LAMTOR3: variants seen among roughly 807,000 people sequenced by gnomAD.
LAMTOR3 encodes ragulator complex protein LAMTOR3.
Under a neutral mutation model 20.3 loss-of-function variants are expected in LAMTOR3, and 14 were observed. That is an observed-to-expected ratio of 0.69 (90% CI 0.46 to 1.08). The LOEUF (loss-of-function observed/expected upper bound fraction) is 1.08, where lower values mean the gene tolerates loss of function less well. LAMTOR3 is among the 50% of genes least tolerant of loss of function. The pLI is 0.00. For missense variants in LAMTOR3, 125 were observed against 143.7 expected (o/e 0.87, Z 0.67); for synonymous variants, 40 against 49.4 (o/e 0.81, Z 0.80).
At chr4:99,889,305 T>G (rs1724982335) in intron 3 of LAMTOR3, among the ~76,000 whole-genome samples, 1 of 152,204 alleles carries the variant, frequency 6.6e-6, no homozygotes, top group Non-Finnish European at 1.5e-5. Flanking sequence ...GCCAATTATT[T>G]TGTGCAGTTA....
At chr4:99,888,280 G>C (rs563596053) in intron 3 of LAMTOR3, among the ~76,000 whole-genome samples, 1 of 152,314 alleles carries the variant, frequency 6.6e-6, no homozygotes, top group Non-Finnish European at 1.5e-5. Flanking sequence ...TACAAGGCAT[G>C]TAAAGTGTAG....
Position 99,881,694 on chromosome 4 carries a change from C to A in LAMTOR3, c.*300G>T. ...ATCAATGTACCAGTTTGATTCTGAT[C>A]CACTGAATAGAATCTCTCATCCATA... On this transcript the variant is annotated 3_prime_UTR_variant, in exon 7 of 7. Coordinates refer to ENST00000499666, the MANE Select transcript of LAMTOR3 (RefSeq NM_021970.4). 3.5e-6 allele frequency: 1 copy of A among 289,248 alleles called. No individual in the cohort carries two copies. The highest frequency in any genetic ancestry group is 6.4e-6 in the Non-Finnish European group (1 of 156,106). 17.9% of individuals were successfully genotyped at this position (289,248 alleles called of 1,614,324 possible).
intron 3 of LAMTOR3, among the ~76,000 whole-genome samples, chr4:99,890,736 A>C (rs1355477772): frequency 6.6e-6 from 1 of 152,192 alleles, no homozygotes; most frequent in Non-Finnish European, 1.5e-5. Flanking sequence ...TAAGCACAAC[A>C]ACCTGATATT....
intron 4 of LAMTOR3, among the ~76,000 whole-genome samples, chr4:99,885,975 T>C (rs1724918842): frequency 6.6e-6 from 1 of 152,202 alleles, no homozygotes; most frequent in South Asian, 2.1e-4. Context: ...TCAAGTACAT[T>C]TAACTGGTTA....
At chr4:99,893,268 C>A (rs1234179686) in intron 2 of LAMTOR3, among the ~76,000 whole-genome samples, 2 of 152,152 alleles carry the variant, frequency 1.3e-5, no homozygotes, top group Non-Finnish European at 2.9e-5. Context: ...TCCATCTCGG[C>A]CTCCCAAAGT....
chr4:99,893,751 C>G (rs1259204198), intron 2 of LAMTOR3, among the ~76,000 whole-genome samples: 3 of 152,130 alleles, frequency 2.0e-5, no homozygotes, highest in African/African-American at 7.2e-5. Flanking sequence ...TCCTACACCC[C>G]CATTCGAGGC....
In LAMTOR3 at chr4:99,881,895, T is replaced by G. The variant is rs988209695; in HGVS notation, c.*99A>C. On this transcript the variant is annotated 3_prime_UTR_variant, in exon 7 of 7. Coordinates refer to ENST00000499666, the MANE Select transcript of LAMTOR3 (RefSeq NM_021970.4). ...TAAGTTGGAAAAAGGGGCCCTTTCTTGAGCACATGGATAAAAGTATTATTG... is the reference window on the plus strand; with the variant it reads ...TAAGTTGGAAAAAGGGGCCCTTTCTGGAGCACATGGATAAAAGTATTATTG... The G allele has an allele frequency of 1.2e-5, 10 of 835,770 alleles. No homozygotes were observed. The South Asian group carries it at 1.2e-4, about 10-fold the overall frequency. 51.8% of individuals were successfully genotyped at this position (835,770 alleles called of 1,614,324 possible). A position where few individuals can be genotyped will look rare whatever the true frequency, so the allele number is the denominator to read the frequency against.
intron 3 of LAMTOR3, among the ~76,000 whole-genome samples, chr4:99,889,545 C>T (rs929640019): frequency 6.6e-6 from 1 of 152,126 alleles, no homozygotes; most frequent in Non-Finnish European, 1.5e-5. Flanking sequence ...AAATTATGTA[C>T]CAAAATATGC....
At chr4:99,882,599 C>G (rs919860361) in intron 6 of LAMTOR3, among the ~76,000 whole-genome samples, 3 of 151,764 alleles carry the variant, frequency 2.0e-5, no homozygotes, top group Non-Finnish European at 4.4e-5. Context: ...TAATTTATAC[C>G]TTACTGCTTC....
chr4:99,883,973 TCTA>T (rs1398339310), intron 6 of LAMTOR3, 86 bp downstream of exon 6: 1 of 941,350 alleles, frequency 1.1e-6, no homozygotes. Context: ...TGGCTCTAAA[TCTA>T]CTATTCCTCT....
In LAMTOR3 at chr4:99,893,930, C is replaced by T. The variant is rs765551893; in HGVS notation, c.9+25G>A. 32 of 1,482,222 alleles carry T rather than the reference C, an allele frequency of 2.2e-5. 1 individual carries two copies. In the South Asian group the frequency reaches 4.0e-4, roughly 19 times the overall value. The allele number at this position is 1,482,222 out of a possible 1,614,324, so 91.8% of individuals were successfully genotyped here. A position where few individuals can be genotyped will look rare whatever the true frequency, so the allele number is the denominator to read the frequency against. ...CCTCAAAATTCCCCACTCTCCCCTT[C>T]CTCTTATGTAGGGGTGTCACTCACA... is the stretch of plus-strand genomic sequence containing the variant. On this transcript the variant is annotated intron_variant, in intron 2 of 6. Coordinates refer to ENST00000499666, the MANE Select transcript of LAMTOR3 (RefSeq NM_021970.4).
intron 3 of LAMTOR3, among the ~76,000 whole-genome samples, chr4:99,888,847 G>T (rs1724974291): frequency 6.6e-6 from 1 of 151,606 alleles, no homozygotes; most frequent in Non-Finnish European, 1.5e-5. Flanking sequence ...TCCTATTATT[G>T]GCATGATTTC....
At chr4:99,882,736 G>C (rs1220372229) in intron 6 of LAMTOR3, among the ~76,000 whole-genome samples, 1 of 151,716 alleles carries the variant, frequency 6.6e-6, no homozygotes, top group Non-Finnish European at 1.5e-5. Flanking sequence ...AAGAAAATCA[G>C]AAATTTATTT....
At chr4:99,887,061 G>A (rs1447811238) in intron 4 of LAMTOR3, among the ~76,000 whole-genome samples, 1 of 152,122 alleles carries the variant, frequency 6.6e-6, no homozygotes, top group Non-Finnish European at 1.5e-5. Context: ...ATGGGTCTGT[G>A]ATAAATCCAT....
intron 5 of LAMTOR3, 110 bp from the exon 6 acceptor site, chr4:99,884,235 C>A (rs1724878123): frequency 3.9e-6 from 3 of 772,226 alleles, no homozygotes; most frequent in Non-Finnish European, 6.7e-6. Context: ...TGTTTTAGCC[C>A]AACATTATGG....
intron 4 of LAMTOR3, 39 bp from the exon 5 acceptor site, chr4:99,885,714 G>C (rs769375994): frequency 6.4e-7 from 1 of 1,566,512 alleles, no homozygotes; most frequent in Non-Finnish European, 8.7e-7. Flanking sequence ...TTATGCAGAG[G>C]ATATGGTAGA....
intron 5 of LAMTOR3, among the ~76,000 whole-genome samples, 157 bp downstream of exon 5, chr4:99,885,385 A>T (rs894897741): frequency 6.6e-6 from 1 of 152,234 alleles, no homozygotes; most frequent in Non-Finnish European, 1.5e-5. Flanking sequence ...GAAGAAAATT[A>T]CTACATTTTA....
intron 6 of LAMTOR3, among the ~76,000 whole-genome samples, chr4:99,882,702 A>T (rs1724849782): frequency 1.3e-5 from 2 of 152,054 alleles, no homozygotes; most frequent in Admixed American, 1.3e-4. Context: ...TTATATCAAA[A>T]GATAGGTGCT....
intron 3 of LAMTOR3, among the ~76,000 whole-genome samples, chr4:99,889,165 C>G (rs1319329870): frequency 1.3e-5 from 2 of 151,946 alleles, no homozygotes; most frequent in Non-Finnish European, 2.9e-5. Flanking sequence ...CACTGCACTC[C>G]CAGCCTGGGT....
Sources: allele counts gnomAD v4.1 joint callset (sites outside exome capture counted in the v4.1 genomes callset), GRCh38; gene constraint gnomAD v4.1.1; transcripts MANE v1.5; gene names NCBI Gene and HGNC (gene_info 2026-07-23, HGNC 2026-07-21).